CNBD1: variants seen among roughly 807,000 people sequenced by gnomAD.
The protein encoded by CNBD1 is cyclic nucleotide binding domain containing 1.
CNBD1 carries 71 observed loss-of-function variants against 54.4 expected under a neutral mutation model. That is an observed-to-expected ratio of 1.30 (90% CI 1.08 to 1.59). The LOEUF (loss-of-function observed/expected upper bound fraction) is 1.59. Ranked by LOEUF, CNBD1 falls within the 40% of genes most tolerant of loss-of-function variation. The pLI is 0.00. For missense variants in CNBD1, 659 were observed against 518.0 expected (o/e 1.27, Z -2.64); for synonymous variants, 182 against 170.7 (o/e 1.07, Z -0.51).
At chr8:87,269,418 C>A (rs1311089314) in intron 6 of CNBD1, among the ~76,000 whole-genome samples, 1 of 151,994 alleles carries the variant, frequency 6.6e-6, no homozygotes, top group Non-Finnish European at 1.5e-5. Flanking sequence ...TTTTTTGGTT[C>A]CATATGAATT....
intron 4 of CNBD1, among the ~76,000 whole-genome samples, chr8:87,005,406 T>A (rs1484852693): frequency 6.6e-6 from 1 of 152,064 alleles, no homozygotes; most frequent in Non-Finnish European, 1.5e-5. Context: ...AATCTATATT[T>A]TGTGATAAGG....
chr8:87,375,448 G>A (rs1161291692), intron 10 of CNBD1, among the ~76,000 whole-genome samples: 1 of 151,468 alleles, frequency 6.6e-6, no homozygotes, highest in African/African-American at 2.4e-5. Flanking sequence ...AATAGAACAA[G>A]GCTTAGAAAT....
chr8:87,169,818 A>G (rs1477274393), intron 4 of CNBD1, among the ~76,000 whole-genome samples: 3 of 152,138 alleles, frequency 2.0e-5, no homozygotes, highest in Non-Finnish European at 2.9e-5. Context: ...ATTCTGTAGT[A>G]TAACTTGAAA....
intron 1 of CNBD1, among the ~76,000 whole-genome samples, chr8:86,883,937 G>A (rs538362588): frequency 5.1e-4 from 78 of 152,152 alleles, no homozygotes; most frequent in South Asian, 3.7e-3. Context: ...GGATCACGAG[G>A]TCAGGAGATC....
intron 4 of CNBD1, among the ~76,000 whole-genome samples, chr8:86,941,854 A>G (rs1461059195): frequency 6.6e-6 from 1 of 152,190 alleles, no homozygotes; most frequent in Non-Finnish European, 1.5e-5. Flanking sequence ...CACCCAGGAC[A>G]ATAGATGTTG....
intron 4 of CNBD1, among the ~76,000 whole-genome samples, chr8:86,995,056 C>A (rs1240270839): frequency 6.6e-6 from 1 of 152,014 alleles, no homozygotes; most frequent in Non-Finnish European, 1.5e-5. Flanking sequence ...GATGAGAATG[C>A]TTTTAGAGGC....
intron 4 of CNBD1, among the ~76,000 whole-genome samples, chr8:87,068,566 T>C (rs996600313): frequency 6.6e-6 from 1 of 152,062 alleles, no homozygotes; most frequent in Non-Finnish European, 1.5e-5. Context: ...TTAATAATCT[T>C]GCTTGTGTTT....
At chr8:87,289,764 C>T (rs984555930) in intron 8 of CNBD1, among the ~76,000 whole-genome samples, 4 of 152,042 alleles carry the variant, frequency 2.6e-5, no homozygotes, top group Non-Finnish European at 4.4e-5. Flanking sequence ...TCACAAAATA[C>T]ATAGGCTCTA....
In CNBD1 at chr8:87,305,824, C is replaced by A. The variant is rs568297335; in HGVS notation, c.1042+19153C>A. ...ATTCTAGATGATAACATCAGGAAAA[C>A]CCTTCTAGTCATTGGCTTAAACAAG... On this transcript the variant is annotated intron_variant, in intron 8 of 10. Coordinates refer to ENST00000518476, the MANE Select transcript of CNBD1 (RefSeq NM_173538.3). Among the ~76,000 whole-genome samples, 13 of 152,154 alleles carry A rather than the reference C, an allele frequency of 8.5e-5. No homozygotes were observed. The South Asian group carries it at 2.7e-3, about 32-fold the overall frequency.
At chr8:87,350,915 A>G (rs1489819371) in intron 8 of CNBD1, among the ~76,000 whole-genome samples, 2 of 152,130 alleles carry the variant, frequency 1.3e-5, no homozygotes, top group African/African-American at 2.4e-5. Context: ...GTTATAATAG[A>G]ATTCACCTTC....
At chr8:86,958,394 C>T (rs1035826165) in intron 4 of CNBD1, among the ~76,000 whole-genome samples, 1 of 152,156 alleles carries the variant, frequency 6.6e-6, no homozygotes, top group African/African-American at 2.4e-5. Context: ...CATTAACTTC[C>T]TGTCTTGTTG....
chr8:87,168,702 C>T (rs1248759915), intron 4 of CNBD1, among the ~76,000 whole-genome samples: 1 of 151,936 alleles, frequency 6.6e-6, no homozygotes, highest in Non-Finnish European at 1.5e-5. Context: ...TCTGTGCCTC[C>T]CTTATTTCAC....
intron 4 of CNBD1, among the ~76,000 whole-genome samples, chr8:87,102,705 C>G (rs959301642): frequency 7.2e-5 from 11 of 152,050 alleles, no homozygotes; most frequent in Admixed American, 7.2e-4. Flanking sequence ...GCTCTGCCTC[C>G]CGGGTTCACG....
intron 6 of CNBD1, among the ~76,000 whole-genome samples, chr8:87,283,468 A>G (rs1367418503): frequency 6.6e-6 from 1 of 151,984 alleles, no homozygotes; most frequent in East Asian, 1.9e-4. Context: ...TTTATACATA[A>G]GGTTAAGTTT....
intron 4 of CNBD1, among the ~76,000 whole-genome samples, chr8:87,172,644 G>T (rs1379527794): frequency 6.6e-6 from 1 of 151,620 alleles, no homozygotes; most frequent in African/African-American, 2.4e-5. Flanking sequence ...TTTGTCTCTT[G>T]TATTTTTTGT....
At chr8:87,361,902 C>A (rs376559464) in intron 10 of CNBD1, among the ~76,000 whole-genome samples, 2 of 151,788 alleles carry the variant, frequency 1.3e-5, no homozygotes, top group East Asian at 1.9e-4. Flanking sequence ...TTAAATGAAT[C>A]AGTTTTATAT....
intron 4 of CNBD1, among the ~76,000 whole-genome samples, chr8:87,117,847 A>G (rs1811805594): frequency 6.6e-6 from 1 of 152,170 alleles, no homozygotes; most frequent in South Asian, 2.1e-4. Context: ...TCAAATTATA[A>G]ATCACATTCT....
chr8:87,071,135 C>A (rs1810752255), intron 4 of CNBD1, among the ~76,000 whole-genome samples: 1 of 151,918 alleles, frequency 6.6e-6, no homozygotes. Context: ...ATACAGTAGT[C>A]CAAATGTTTT....
At chr8:87,371,370 T>C (rs577667281) in intron 10 of CNBD1, among the ~76,000 whole-genome samples, 2 of 152,056 alleles carry the variant, frequency 1.3e-5, no homozygotes, top group African/African-American at 4.8e-5. Flanking sequence ...GCATGGAATG[T>C]TCTTCCATTT....
Sources: gnomAD v4.1 joint callset for allele counts (sites outside exome capture counted in the v4.1 genomes callset) on GRCh38, gnomAD v4.1.1 for gene constraint, MANE v1.5 for transcripts, NCBI Gene and HGNC (gene_info 2026-07-23, HGNC 2026-07-21) for gene names.